EPC1: variants seen among roughly 807,000 people sequenced by gnomAD.
EPC1 encodes the protein enhancer of polycomb homolog 1.
In EPC1, 12 loss-of-function variants were observed where a neutral mutation model predicts 98.4. That is an observed-to-expected ratio of 0.12 (90% CI 0.08 to 0.20). The LOEUF is 0.20. Among genes scored for constraint, EPC1 ranks in the 10% least tolerant of loss-of-function variants. The pLI, the probability that EPC1 is intolerant of heterozygous loss-of-function variation, is 1.00. For missense variants in EPC1, 729 were observed against 990.5 expected (o/e 0.74, Z 3.54); for synonymous variants, 357 against 363.9 (o/e 0.98, Z 0.21).
chr10:32,330,940 T>C (rs1033376271), intron 1 of EPC1, among the ~76,000 whole-genome samples: 1 of 152,094 alleles, frequency 6.6e-6, no homozygotes. Context: ...CTCGTGTGTA[T>C]TGTACAAAAT....
intron 6 of EPC1, among the ~76,000 whole-genome samples, chr10:32,288,914 C>T (rs1446545430): frequency 6.6e-6 from 1 of 151,798 alleles, no homozygotes; most frequent in African/African-American, 2.4e-5. Flanking sequence ...ACGATGAAAC[C>T]CTGTCTCTAC....
In EPC1 at chr10:32,334,068, C is replaced by T. The variant is rs556595214; in HGVS notation, c.153+12695G>A. ...GGGAAAGGCGACTGTGGAGAAACAACCACATGCCCAAAGGGCAAAGCTGAG... is the reference window on the plus strand; with the variant it reads ...GGGAAAGGCGACTGTGGAGAAACAATCACATGCCCAAAGGGCAAAGCTGAG... On this transcript the variant is annotated intron_variant, in intron 1 of 13. Transcript: ENST00000319778. Among the ~76,000 whole-genome samples, 14 of 152,304 alleles carry T rather than the reference C, an allele frequency of 9.2e-5. No individual in the cohort carries two copies. In the South Asian group the frequency reaches 2.5e-3, roughly 27 times the overall value.
intron 1 of EPC1, among the ~76,000 whole-genome samples, chr10:32,312,938 A>G (rs928698927): frequency 2.0e-5 from 3 of 152,248 alleles, no homozygotes; most frequent in Non-Finnish European, 2.9e-5. Flanking sequence ...ACTTGACTAA[A>G]TATCTGAGAT....
intron 1 of EPC1, among the ~76,000 whole-genome samples, chr10:32,317,751 A>G (rs1836641357): frequency 6.6e-6 from 1 of 152,230 alleles, no homozygotes; most frequent in African/African-American, 2.4e-5. Context: ...GAGCAATTTA[A>G]TATCTATTAT....
chr10:32,324,092 C>T (rs567952385), intron 1 of EPC1, among the ~76,000 whole-genome samples: 11 of 152,042 alleles, frequency 7.2e-5, no homozygotes, highest in African/African-American at 2.4e-4. Flanking sequence ...CCCGCCACCA[C>T]GCCTGGCTAA....
At chr10:32,329,009 G>A (rs1024689529) in intron 1 of EPC1, among the ~76,000 whole-genome samples, 1 of 152,234 alleles carries the variant, frequency 6.6e-6, no homozygotes. Flanking sequence ...CGCCGGGGGA[G>A]AGGAGTGTAT....
intron 1 of EPC1, among the ~76,000 whole-genome samples, chr10:32,363,300 C>G (rs555196130): frequency 6.6e-6 from 1 of 152,164 alleles, no homozygotes; most frequent in African/African-American, 2.4e-5. Context: ...AGGCTGGTCT[C>G]GAACTCCCGT....
At chr10:32,286,616 T>C (rs1234315201) in intron 9 of EPC1, 78 bp downstream of exon 9, 3 of 1,522,270 alleles carry the variant, frequency 2.0e-6, no homozygotes, top group Admixed American at 1.8e-5. Flanking sequence ...TTCAGAGGGA[T>C]TACCTGACTT....
intron 1 of EPC1, among the ~76,000 whole-genome samples, chr10:32,308,349 C>T (rs1157375960): frequency 6.6e-6 from 1 of 151,224 alleles, no homozygotes; most frequent in Non-Finnish European, 1.5e-5. Flanking sequence ...GAGACTGCAC[C>T]GCTGCACTCC....
chr10:32,336,479 A>G (rs1413240433), intron 1 of EPC1, among the ~76,000 whole-genome samples: 1 of 152,174 alleles, frequency 6.6e-6, no homozygotes, highest in Admixed American at 6.6e-5. Flanking sequence ...ACTCAAGTGA[A>G]TGCTACTGCC....
intron 1 of EPC1, among the ~76,000 whole-genome samples, chr10:32,375,291 C>T (rs1839848734): frequency 6.6e-6 from 1 of 152,094 alleles, no homozygotes; most frequent in African/African-American, 2.4e-5. Flanking sequence ...ATTAGATTAG[C>T]CCTGGCTAAT....
Position 32,286,899 on chromosome 10 carries a change from TATTTACA to T in EPC1, c.1242+20_1242+26del. 9 of 1,610,388 alleles carry T rather than the reference TATTTACA, an allele frequency of 5.6e-6. No individual in the cohort carries two copies. Among genetic ancestry groups the T allele is most frequent in the Non-Finnish European group, 7.6e-6 (9 of 1,178,784 alleles). The stretch of plus-strand genomic sequence containing the variant: ...TGTCAGTTAAAGGTAAATAGTTTGT[TATTTACA>T]AAGACACTCTGAAACTTACAGCATA... On this transcript the variant is annotated intron_variant, in intron 8 of 13. Coordinates refer to ENST00000319778, the MANE Select transcript of EPC1 (RefSeq NM_001272004.3).
intron 1 of EPC1, among the ~76,000 whole-genome samples, chr10:32,329,942 G>A (rs560790274): frequency 6.6e-6 from 1 of 152,330 alleles, no homozygotes; most frequent in Non-Finnish European, 1.5e-5. Flanking sequence ...ATCTGTGGGA[G>A]ATTACTAAAC....
At chr10:32,278,962 T>C (rs1205418147) in intron 10 of EPC1, among the ~76,000 whole-genome samples, 3 of 152,218 alleles carry the variant, frequency 2.0e-5, no homozygotes, top group Non-Finnish European at 4.4e-5. Context: ...TCTTGCATTT[T>C]ATTATATGAC....
At chr10:32,331,089 C>G (rs1250106152) in intron 1 of EPC1, among the ~76,000 whole-genome samples, 1 of 151,948 alleles carries the variant, frequency 6.6e-6, no homozygotes, top group African/African-American at 2.4e-5. Flanking sequence ...AAAAAGACTG[C>G]TATTTTCTTT....
At chr10:32,303,916 C>T (rs1241889641) in intron 2 of EPC1, among the ~76,000 whole-genome samples, 7 of 152,212 alleles carry the variant, frequency 4.6e-5, no homozygotes, top group African/African-American at 1.7e-4. Flanking sequence ...GTGCAGGAGA[C>T]TTCTCTGTAC....
rs965177036 is a variant in EPC1, at chr10:32,343,836, T to C, written c.153+2927A>G. Among the ~76,000 whole-genome samples the C allele has an allele frequency of 3.9e-5, 6 of 152,200 alleles. No homozygotes were observed. In the South Asian group the frequency reaches 1.2e-3, roughly 31 times the overall value. Reference sequence around the variant, plus strand: ...CTTATTTTCCCAATGTTAAAAGACCTGGATTTCTGTCAAGTATATCCAGAA... The same window carrying C: ...CTTATTTTCCCAATGTTAAAAGACCCGGATTTCTGTCAAGTATATCCAGAA... On this transcript the variant is annotated intron_variant, in intron 1 of 13. Coordinates refer to ENST00000319778, the MANE Select transcript of EPC1 (RefSeq NM_001272004.3).
At chr10:32,306,303 T>C (rs1176967288) in intron 1 of EPC1, among the ~76,000 whole-genome samples, 2 of 152,224 alleles carry the variant, frequency 1.3e-5, no homozygotes, top group Non-Finnish European at 2.9e-5. Context: ...AAATATTTTA[T>C]TGATTCAAAT....
At chr10:32,345,928 G>A (rs1340398370) in intron 1 of EPC1, among the ~76,000 whole-genome samples, 1 of 152,110 alleles carries the variant, frequency 6.6e-6, no homozygotes, top group Non-Finnish European at 1.5e-5. Context: ...TTTACAAATA[G>A]GTAAGGTTAC....
Sources: allele counts gnomAD v4.1 joint callset (sites outside exome capture counted in the v4.1 genomes callset), GRCh38; gene constraint gnomAD v4.1.1; transcripts MANE v1.5; gene names NCBI Gene and HGNC (gene_info 2026-07-23, HGNC 2026-07-21).